The following TTN variants were observed in gnomAD, a reference collection of about 807,000 sequenced individuals.
TTN encodes connectin.
A neutral mutation model predicts 3,223.0 loss-of-function variants in TTN; 1,525 were observed. That is an observed-to-expected ratio of 0.47 (90% confidence interval 0.45 to 0.49). The LOEUF (loss-of-function observed/expected upper bound fraction) is 0.49. TTN is among the 20% of genes least tolerant of loss of function. TTN has a pLI of 0.00. For missense variants in TTN, 40,786 were observed against 43,424.0 expected (o/e 0.94, Z 5.40); for synonymous variants, 14,094 against 15,161.0 (o/e 0.93, Z 5.17).
chr2:178,565,447 T>G lies in TTN; in HGVS notation c.80685A>C (p.Glu26895Asp). ...TAACTGGAATTTCTATTTTAAGATC[T>G]TCTCCAGCTTGGATACTATATGTGT... ...PFNTYSIQAG[E>D]DLKIEIPVIG... Residue 26895 changes from glutamate to aspartate, a missense_variant, in exon 326 of 363, where the codon GAA becomes GAC. Glu to Asp is a conservative substitution (Grantham distance 45). Transcript: ENST00000589042. 3 of 1,613,360 alleles carry G rather than the reference T, an allele frequency of 1.9e-6. No homozygotes were observed. Among genetic ancestry groups the G allele is most frequent in the Non-Finnish European group, 2.5e-6 (3 of 1,179,624 alleles).
chr2:178,550,234 C>T lies in TTN; in HGVS notation c.91604G>A (p.Gly30535Asp), dbSNP rs374896493. The T allele has an allele frequency of 1.2e-6, 2 of 1,613,130 alleles. No homozygotes were observed. The highest frequency in any genetic ancestry group is 1.7e-6 in the Non-Finnish European group (2 of 1,179,484). The change falls in exon 337 of 363, where the codon GGT (glycine) becomes GAT (aspartate). Residue 30535 changes from glycine to aspartate, a missense_variant. By Grantham distance (94) the Gly-to-Asp change is moderately conservative. Coordinates refer to ENST00000589042, the MANE Select transcript of TTN (RefSeq NM_001267550.2). ...IVEFGPEYFD[G>D]LIIKSGESLR... ...GCTCTCTCCGGACTTAATAATGAGA[C>T]CATCAAAGTATTCAGGGCCAAACTC...
intron 138 of TTN, 27 bp from the exon 139 acceptor site, chr2:178,680,358 T>A (rs369977500): frequency 2.5e-6 from 4 of 1,596,348 alleles, no homozygotes; most frequent in African/African-American, 2.7e-5. Context: ...TAAGGAAATT[T>A]TATTGTCAGT....
Position 178,612,812 on chromosome 2 carries a change from T to A in TTN, c.49909A>T (p.Ser16637Cys). ...CAAAGCACAGGGTCACTGGGTTCACTGGGTTCACTTTCCCCAGCCTTATTC... is the reference window on the plus strand; with the variant it reads ...CAAAGCACAGGGTCACTGGGTTCACAGGGTTCACTTTCCCCAGCCTTATTC... ...AVNKAGESEPSEPSDPVLCRE... is the reference protein window; with the variant it reads ...AVNKAGESEPCEPSDPVLCRE... The change falls in exon 265 of 363, where the codon AGT becomes TGT. Residue 16637 changes from serine to cysteine, a missense_variant. Ser to Cys is a moderately radical substitution (Grantham distance 112). Transcript: ENST00000589042. 6.2e-7 allele frequency: 1 copy of A among 1,612,394 alleles called. No individual in the cohort carries two copies. The highest frequency in any genetic ancestry group is 1.1e-5 in the South Asian group (1 of 90,980).
At chr2:178,780,503 C>T (rs1369693531) in intron 21 of TTN, among the ~76,000 whole-genome samples, 1 of 152,178 alleles carries the variant, frequency 6.6e-6, no homozygotes, top group East Asian at 1.9e-4. Flanking sequence ...ATTCATTTAC[C>T]TTCCTGAATA....
At position 178,534,648 on chromosome 2, in the gene TTN, A is replaced by G; in HGVS notation, c.101967T>C (p.His33989=). The change falls in exon 358 of 363, where the codon CAT becomes CAC. Residue 33989 remains histidine, a synonymous_variant. Coordinates refer to ENST00000589042, the MANE Select transcript of TTN (RefSeq NM_001267550.2). ...PEYYAPEVHQ[H]DVVSTATDMW... is the part of the protein sequence containing the mutation. ...TGTCTGTGGCTGTGCTGACAACATC[A>G]TGCTGGTGGACTTCAGGTGCATAGT... is the stretch of plus-strand genomic sequence containing the variant. 2 of 1,613,690 alleles carry G rather than the reference A, an allele frequency of 1.2e-6. No homozygotes were observed. Among genetic ancestry groups the G allele is most frequent in the Non-Finnish European group, 1.7e-6 (2 of 1,179,620 alleles).
chr2:178,788,946 A>AT (rs1160038443), intron 13 of TTN, among the ~76,000 whole-genome samples: 1 of 152,138 alleles, frequency 6.6e-6, no homozygotes, highest in African/African-American at 2.4e-5. Flanking sequence ...GTCATACTCC[A>AT]TAACATAATA....
chr2:178,784,265 C>G lies in TTN; in HGVS notation c.2580G>C (p.Lys860Asn). The G allele has an allele frequency of 1.2e-6, 2 of 1,614,116 alleles. No individual in the cohort carries two copies. Among genetic ancestry groups the G allele is most frequent in the Non-Finnish European group, 1.7e-6 (2 of 1,180,004 alleles). ...SSAQKITKSV[K>N]APTVKPSETR... The stretch of plus-strand genomic sequence containing the variant: ...TCTCACTGGGCTTCACAGTAGGAGC[C>G]TTCACCGATTTGGTGATCTTCTGAG... The change falls in exon 16 of 363, where the codon AAG becomes AAC. Residue 860 changes from lysine to asparagine, a missense_variant. Physicochemically the swap from Lys to Asn is moderately conservative, Grantham distance 94 (BLOSUM62 0). Transcript: ENST00000589042.
At chr2:178,541,706 A>G (rs1366986176) in intron 349 of TTN, 122 bp from the exon 350 acceptor site, 6 of 657,104 alleles carry the variant, frequency 9.1e-6, no homozygotes, top group Middle Eastern at 4.6e-4. Context: ...GCACATGACT[A>G]TTTTTCCAAT....
chr2:178,583,183 T>G lies in TTN; in HGVS notation c.65620A>C (p.Thr21874Pro). The change falls in exon 313 of 363, where the codon ACT (threonine) becomes CCT (proline). Residue 21874 changes from threonine (T) to proline (P), a missense_variant. Coordinates refer to ENST00000589042, the MANE Select transcript of TTN (RefSeq NM_001267550.2). The stretch of plus-strand genomic sequence containing the variant: ...CAGACATTAGTTCCAGCTTTCACAG[T>G]AAGCAAAGATTTCATAGCCACACTC... ...DLSVAMKSLLTVKAGTNVCLD... is the reference protein window; with the variant it reads ...DLSVAMKSLLPVKAGTNVCLD... The G allele has an allele frequency of 6.2e-7, 1 of 1,610,552 alleles. No individual in the cohort carries two copies. Among genetic ancestry groups the G allele is most frequent in the East Asian group, 2.2e-5 (1 of 44,580 alleles).
rs746950810 is a variant in TTN, at chr2:178,571,308, C to T, written c.74824G>A (p.Gly24942Ser). 1 of 1,613,396 alleles carries T rather than the reference C, an allele frequency of 6.2e-7. No homozygotes were observed. The part of the protein sequence containing the change: ...PISDGGSRVI[G>S]YHLERKERNS... ...CTTTCCTTGCGTTCTAGATGATAGC[C>T]AATGACTCTACTTCCTCCATCACTG... Residue 24942 changes from glycine (G) to serine (S), a missense_variant, in exon 326 of 363, where the codon GGC becomes AGC. Physicochemically the swap from Gly to Ser is moderately conservative, Grantham distance 56. Coordinates refer to ENST00000589042, the MANE Select transcript of TTN (RefSeq NM_001267550.2).
chr2:178,626,922 CAA>C (rs1294292089), intron 240 of TTN, among the ~76,000 whole-genome samples: 33 of 151,164 alleles, frequency 2.2e-4, no homozygotes, highest in African/African-American at 7.5e-4. Context: ...CAGTATGTCT[CAA>C]TAAACAGCTT....
rs776803907 is a variant in TTN at position 178,751,289 on chromosome 2, C to A, written c.11311+1835G>T. ...TAATGTTTTTCTAGCCTCCCTTAAACGTTGCAACTTCACTTTGGTCTCCTT... is the reference window on the plus strand; with the variant it reads ...TAATGTTTTTCTAGCCTCCCTTAAAAGTTGCAACTTCACTTTGGTCTCCTT... On this transcript the variant is annotated intron_variant, in intron 47 of 362. Coordinates refer to ENST00000589042, the MANE Select transcript of TTN (RefSeq NM_001267550.2). 5.6e-6 allele frequency: 9 copies of A among 1,611,264 alleles called. No homozygotes were observed. In the South Asian group the frequency reaches 9.9e-5, roughly 18 times the overall value.
chr2:178,704,060 G>A, intron 106 of TTN, 87 bp downstream of exon 106: 1 of 1,512,058 alleles, frequency 6.6e-7, no homozygotes, highest in African/African-American at 1.4e-5. Context: ...TTTGGTGTGT[G>A]TCTACAGGTA....
Position 178,774,994 on chromosome 2 carries a change from A to G in TTN, c.6717T>C (p.Ser2239=). The G allele has an allele frequency of 6.2e-7, 1 of 1,614,052 alleles. No homozygotes were observed. ...HFLSILTIDT[S]DAEDYSCVLV... The stretch of plus-strand genomic sequence containing the variant: ...GTACACAGCTGTAATCTTCAGCATC[A>G]GACGTATCAATGGTCAGTATGGAGA... Residue 2239 remains serine (S), a synonymous_variant, in exon 29 of 363, where the codon TCT becomes TCC. Coordinates refer to ENST00000589042, the MANE Select transcript of TTN (RefSeq NM_001267550.2).
In TTN at chr2:178,695,412, T is replaced by G; in HGVS notation, c.31208-2A>C. The G allele has an allele frequency of 6.2e-7, 1 of 1,611,854 alleles. No individual in the cohort carries two copies. The highest frequency in any genetic ancestry group is 8.5e-7 in the Non-Finnish European group (1 of 1,178,336). ...CTGGAACTTTTCTCTCATGTGATTC[T>G]GAAATAAAAACACAGGAATAAGAAG... On this transcript the variant is annotated splice_acceptor_variant, in intron 114 of 362. Coordinates refer to ENST00000589042, the MANE Select transcript of TTN (RefSeq NM_001267550.2). LOFTEE classifies it high-confidence loss of function.
In TTN at chr2:178,636,047, C is replaced by T; in HGVS notation, c.41524G>A (p.Ala13842Thr). 6.2e-7 allele frequency: 1 copy of T among 1,613,290 alleles called. No individual in the cohort carries two copies. The highest frequency in any genetic ancestry group is 8.5e-7 in the Non-Finnish European group (1 of 1,179,490). Residue 13842 changes from alanine to threonine, a missense_variant, in exon 226 of 363, where the codon GCA (alanine) becomes ACA (threonine). Coordinates refer to ENST00000589042, the MANE Select transcript of TTN (RefSeq NM_001267550.2). The surrounding 1 kb of genome is among the most constrained non-coding windows in gnomAD (Gnocchi z 4.3). Reference sequence around the variant, plus strand: ...TATGTTCCAGCATCTGTGTCATCTGCATCGTTGATGGTCAGAGCCCGCATC... The same window carrying T: ...TATGTTCCAGCATCTGTGTCATCTGTATCGTTGATGGTCAGAGCCCGCATC... The part of the protein sequence containing the change: ...GLMRALTIND[A>T]DDTDAGTYTV...
In TTN at chr2:178,733,671, A is replaced by C; in HGVS notation, c.15718T>G (p.Cys5240Gly). 6.2e-7 allele frequency: 1 copy of C among 1,613,676 alleles called. No individual in the cohort carries two copies. Among genetic ancestry groups the C allele is most frequent in the Non-Finnish European group, 8.5e-7 (1 of 1,179,636 alleles). Residue 5240 changes from cysteine to glycine, a missense_variant, in exon 53 of 363, where the codon TGC becomes GGC. Transcript: ENST00000589042. ...CTTCCAGCTTCATTTTCAGCCAGGC[A>C]CGTGTATTTGCCTCCAAAACTAATC... ...VQISFGGKYT[C>G]LAENEAGSQT...
rs778966200 is a variant in TTN, at chr2:178,587,657, T to C, written c.63652A>G (p.Arg21218Gly). The C allele has an allele frequency of 1.9e-6, 3 of 1,612,920 alleles. No homozygotes were observed. The highest frequency in any genetic ancestry group is 2.5e-6 in the Non-Finnish European group (3 of 1,179,426). Residue 21218 changes from arginine to glycine, a missense_variant, in exon 306 of 363, where the codon AGA becomes GGA. Arg to Gly is a moderately radical substitution (Grantham distance 125). Coordinates refer to ENST00000589042, the MANE Select transcript of TTN (RefSeq NM_001267550.2). ...WRKVGIDNVV[R>G]KGQVDLVDTM... Reference sequence around the variant, plus strand: ...TCAACCAGATCAACTTGTCCTTTTCTGACCACATTATCAATGCCAACTTTT... The same window carrying C: ...TCAACCAGATCAACTTGTCCTTTTCCGACCACATTATCAATGCCAACTTTT...
intron 47 of TTN, chr2:178,749,101 T>C (rs750437849): frequency 1.9e-6 from 3 of 1,612,938 alleles, no homozygotes; most frequent in Non-Finnish European, 2.5e-6. Context: ...ATGAATCTTT[T>C]GTATTGTAAC....
Sources: allele counts gnomAD v4.1 joint callset (sites outside exome capture counted in the v4.1 genomes callset), GRCh38; gene constraint gnomAD v4.1.1; non-coding constraint Gnocchi (gnomAD v3.1); transcripts MANE v1.5; gene names NCBI Gene and HGNC (gene_info 2026-07-23, HGNC 2026-07-21).